Variants in STXBP4 observed in about 807,000 individuals in gnomAD.
STXBP4 encodes the protein syntaxin-binding protein 4.
STXBP4 carries 55 observed loss-of-function variants against 76.1 expected under a neutral mutation model. The observed-to-expected ratio is 0.72, with a 90% confidence interval of 0.58 to 0.91. The LOEUF is 0.91. STXBP4 is among the 40% of genes least tolerant of loss of function. The pLI is 0.00. For missense variants in STXBP4, 618 were observed against 636.9 expected (o/e 0.97, Z 0.32); for synonymous variants, 201 against 220.2 (o/e 0.91, Z 0.77).
intron 8 of STXBP4, among the ~76,000 whole-genome samples, chr17:55,020,882 C>T (rs933136202): frequency 3.8e-4 from 58 of 151,962 alleles, no homozygotes; most frequent in African/African-American, 1.3e-3. Context: ...TTTATCTTTG[C>T]GAATTTTGAA....
the STXBP4 span, among the ~76,000 whole-genome samples, chr17:55,192,412 G>A: frequency 7.2e-5 from 11 of 152,102 alleles, no homozygotes; most frequent in Non-Finnish European, 1.5e-4. Flanking sequence ...AGGAAGAAAG[G>A]GAGGGACAAT....
intron 16 of STXBP4, among the ~76,000 whole-genome samples, chr17:55,123,238 CT>C (rs2079866321): frequency 6.6e-6 from 1 of 152,094 alleles, no homozygotes; most frequent in Admixed American, 6.5e-5. Flanking sequence ...TGTCCAGTAA[CT>C]TGTTAAGATA....
At chr17:55,031,813 C>T (rs958524650) in intron 9 of STXBP4, among the ~76,000 whole-genome samples, 2 of 152,054 alleles carry the variant, frequency 1.3e-5, no homozygotes, top group African/African-American at 4.8e-5. Flanking sequence ...CCTGCAAATA[C>T]TGTATTTTTT....
intron 17 of STXBP4, among the ~76,000 whole-genome samples, chr17:55,151,865 C>G (rs2080220922): frequency 6.6e-6 from 1 of 152,122 alleles, no homozygotes; most frequent in Admixed American, 6.6e-5. Flanking sequence ...AGAAAATAAA[C>G]TAGTCAAAAT....
Position 55,165,075 on chromosome 17 carries a change from C to G in STXBP4, c.*5164C>G, listed in dbSNP as rs1259949176. The stretch of plus-strand genomic sequence containing the variant: ...TTATCAGATATTTGAACTACTGGAC[C>G]ATTTAATGTTCATTACGTTAACAAA... On this transcript the variant is annotated 3_prime_UTR_variant, in exon 18 of 18. Transcript: ENST00000376352. 1.3e-5 allele frequency: 2 copies of G among 152,084 alleles called. No homozygotes were observed. The highest frequency in any genetic ancestry group is 2.9e-5 in the Non-Finnish European group (2 of 68,020). The allele number at this position is 152,084 out of a possible 1,614,324, so 9.4% of individuals were successfully genotyped here.
chr17:55,063,472 T>G (rs1036427029), intron 12 of STXBP4, among the ~76,000 whole-genome samples: 4 of 152,222 alleles, frequency 2.6e-5, no homozygotes, highest in Non-Finnish European at 5.9e-5. Flanking sequence ...GGTTCCATAC[T>G]ATGAGCCACT....
At chr17:54,999,283 A>G (rs1255714581) in intron 4 of STXBP4, 62 bp from the exon 5 acceptor site, 1 of 1,347,746 alleles carries the variant, frequency 7.4e-7, no homozygotes, top group Non-Finnish European at 1.0e-6. Context: ...CTTTAATTAC[A>G]TCAATTAATT....
At chr17:55,114,111 T>C (rs1358779139) in intron 16 of STXBP4, among the ~76,000 whole-genome samples, 1 of 152,064 alleles carries the variant, frequency 6.6e-6, no homozygotes, top group Non-Finnish European at 1.5e-5. Context: ...TTTCCCTTAA[T>C]TGGCACTCAT....
At chr17:55,026,068 A>T (rs939530862) in intron 8 of STXBP4, among the ~76,000 whole-genome samples, 2 of 152,240 alleles carry the variant, frequency 1.3e-5, no homozygotes, top group African/African-American at 4.8e-5. Flanking sequence ...GAAGTGCAAG[A>T]CATATATACT....
chr17:55,038,523 T>A (rs1042005918), intron 10 of STXBP4, among the ~76,000 whole-genome samples: 1 of 152,130 alleles, frequency 6.6e-6, no homozygotes, highest in South Asian at 2.1e-4. Context: ...CTACTTTTGT[T>A]TGTTTGACAA....
chr17:54,995,939 G>A (rs1329806539), intron 4 of STXBP4, among the ~76,000 whole-genome samples: 5 of 152,120 alleles, frequency 3.3e-5, no homozygotes, highest in Non-Finnish European at 5.9e-5. Context: ...AAAGGACAGA[G>A]TTCTAGTTAT....
intron 16 of STXBP4, among the ~76,000 whole-genome samples, chr17:55,135,326 A>G (rs1403953428): frequency 6.6e-6 from 1 of 152,126 alleles, no homozygotes; most frequent in African/African-American, 2.4e-5. Context: ...TTTGGGATGC[A>G]CAAAATATGT....
intron 17 of STXBP4, among the ~76,000 whole-genome samples, chr17:55,147,685 A>G (rs1307396071): frequency 3.3e-5 from 5 of 152,230 alleles, no homozygotes; most frequent in Non-Finnish European, 7.3e-5. Context: ...GAACATTACA[A>G]ATGCGTATCA....
At chr17:55,121,271 C>T (rs949266980) in intron 16 of STXBP4, among the ~76,000 whole-genome samples, 1 of 151,938 alleles carries the variant, frequency 6.6e-6, no homozygotes, top group African/African-American at 2.4e-5. Flanking sequence ...ATTTTAAAAT[C>T]AAGAAAGCAT....
At chr17:55,062,070 A>G (rs2079000648) in intron 12 of STXBP4, among the ~76,000 whole-genome samples, 1 of 151,800 alleles carries the variant, frequency 6.6e-6, no homozygotes, top group Admixed American at 6.6e-5. Context: ...CTCCATCTCT[A>G]CAATTATCTT....
intron 17 of STXBP4, among the ~76,000 whole-genome samples, chr17:55,147,855 T>C (rs1245533786): frequency 1.3e-5 from 2 of 152,218 alleles, no homozygotes; most frequent in Non-Finnish European, 2.9e-5. Context: ...ACTTCACTGA[T>C]GTATGCCTTG....
chr17:55,169,839 G>A lies in STXBP4; in HGVS notation c.*9928G>A, dbSNP rs745911606. 1.1e-4 allele frequency: 17 copies of A among 152,190 alleles called. No individual in the cohort carries two copies. Among genetic ancestry groups the A allele is most frequent in the Non-Finnish European group, 2.2e-4 (15 of 68,036 alleles). The allele number at this position is 152,190 out of a possible 1,614,324, so 9.4% of individuals were successfully genotyped here. A position where few individuals can be genotyped will look rare whatever the true frequency, so the allele number is the denominator to read the frequency against. ...GCAATTGAATGTCTAAACAATCCAA[G>A]ACAGATAATTTTGTAGTATTTACTG... On this transcript the variant is annotated 3_prime_UTR_variant, in exon 18 of 18. Coordinates refer to ENST00000376352, the MANE Select transcript of STXBP4 (RefSeq NM_178509.6).
intron 4 of STXBP4, among the ~76,000 whole-genome samples, chr17:54,997,666 G>A (rs369817185): frequency 2.7e-5 from 4 of 147,308 alleles, no homozygotes; most frequent in South Asian, 2.1e-4. Flanking sequence ...GAGCAGTGGC[G>A]TAGTCATGAC....
chr17:55,070,811 C>T (rs1351889), intron 12 of STXBP4, among the ~76,000 whole-genome samples: 6,924 of 152,192 alleles, frequency 0.045, 249 homozygotes, highest in East Asian at 0.2. Context: ...CTTCTTGTCT[C>T]TCTTCCTTTA....
Sources: allele counts gnomAD v4.1 joint callset (sites outside exome capture counted in the v4.1 genomes callset), GRCh38; gene constraint gnomAD v4.1.1; transcripts MANE v1.5; gene names NCBI Gene and HGNC (gene_info 2026-07-23, HGNC 2026-07-21).